Variants in DSCAM observed in about 807,000 individuals in gnomAD.
DSCAM encodes the protein cell adhesion molecule DSCAM.
DSCAM carries 47 observed loss-of-function variants against 217.7 expected under a neutral mutation model. The ratio of observed to expected loss-of-function variants is 0.22; its 90% confidence interval spans 0.17 to 0.28. The LOEUF is 0.28. Among genes scored for constraint, DSCAM ranks in the 10% least tolerant of loss-of-function variants. DSCAM has a pLI of 1.00. For synonymous variants in DSCAM, 1,056 were observed against 1,015.3 expected (o/e 1.04, Z -0.76); for missense variants, 2,080 against 2,618.3 (o/e 0.79, Z 4.49).
Position 40,419,658 on chromosome 21 carries a change from T to C in DSCAM, c.509-50413A>G, listed in dbSNP as rs535115647. 2.1e-3 allele frequency among the ~76,000 whole-genome samples: 317 copies of C among 152,308 alleles called. 1 individual carries two copies. The highest frequency in any genetic ancestry group is 7.3e-3 in the African/African-American group (302 of 41,558). The stretch of plus-strand genomic sequence containing the variant: ...GGAAAAATTACTCAGATACATCTTC[T>C]AGCCTATCAAAAGAACTCAAGAATG... On this transcript the variant is annotated intron_variant, in intron 3 of 32. Coordinates refer to ENST00000400454, the MANE Select transcript of DSCAM (RefSeq NM_001389.5).
intron 1 of DSCAM, among the ~76,000 whole-genome samples, chr21:40,833,771 A>G (rs1008307303): frequency 6.6e-6 from 1 of 152,318 alleles, no homozygotes; most frequent in East Asian, 1.9e-4. Flanking sequence ...TCTAAAATCC[A>G]TGGAAAAAAC....
At chr21:40,051,387 C>T (rs115985126) in intron 30 of DSCAM, among the ~76,000 whole-genome samples, 5,280 of 152,286 alleles carry the variant, frequency 0.035, 149 homozygotes, top group African/African-American at 0.074. Flanking sequence ...ATAATCTTCA[C>T]ATTAACTAGA....
chr21:40,315,367 G>A (rs1463074846), intron 8 of DSCAM, among the ~76,000 whole-genome samples: 1 of 151,394 alleles, frequency 6.6e-6, no homozygotes, highest in Non-Finnish European at 1.5e-5. Flanking sequence ...TCATGTCACT[G>A]CACTCCAGCA....
At chr21:40,313,436 T>C (rs994972485) in intron 8 of DSCAM, among the ~76,000 whole-genome samples, 9 of 152,226 alleles carry the variant, frequency 5.9e-5, no homozygotes, top group African/African-American at 1.9e-4. Context: ...GAGTGATGCC[T>C]GTTTTGTCCA....
chr21:40,488,519 T>A (rs2076048752), intron 3 of DSCAM, among the ~76,000 whole-genome samples: 1 of 152,150 alleles, frequency 6.6e-6, no homozygotes, highest in South Asian at 2.1e-4. Context: ...AGCTTTTTAT[T>A]CTTTTCTGTC....
At chr21:40,381,907 T>C (rs1461745537) in intron 3 of DSCAM, among the ~76,000 whole-genome samples, 1 of 152,256 alleles carries the variant, frequency 6.6e-6, no homozygotes, top group Non-Finnish European at 1.5e-5. Context: ...CTTGTTTCAG[T>C]ACACCTGTGC....
intron 3 of DSCAM, among the ~76,000 whole-genome samples, chr21:40,466,339 A>T (rs1297504164): frequency 6.6e-6 from 1 of 152,172 alleles, no homozygotes; most frequent in Non-Finnish European, 1.5e-5. Context: ...CTCTGAGGCC[A>T]TCAACAGTTC....
chr21:40,041,151 C>G (rs2088741556), intron 32 of DSCAM, among the ~76,000 whole-genome samples: 1 of 151,938 alleles, frequency 6.6e-6, no homozygotes. Context: ...CCCATAAAAC[C>G]CAAGGGAATT....
At chr21:40,542,903 A>C (rs903715396) in intron 3 of DSCAM, among the ~76,000 whole-genome samples, 1 of 152,110 alleles carries the variant, frequency 6.6e-6, no homozygotes, top group Admixed American at 6.5e-5. Context: ...AAACGACCCC[A>C]GGAAAGAGCT....
At chr21:40,420,503 G>A (rs1160043372) in intron 3 of DSCAM, among the ~76,000 whole-genome samples, 1 of 152,154 alleles carries the variant, frequency 6.6e-6, no homozygotes, top group Non-Finnish European at 1.5e-5. Context: ...CAAGCAGGAA[G>A]GTCAGGATTC....
chr21:40,400,671 C>A (rs1179290847), intron 3 of DSCAM, among the ~76,000 whole-genome samples: 1 of 152,214 alleles, frequency 6.6e-6, no homozygotes, highest in Non-Finnish European at 1.5e-5. Flanking sequence ...TCTGCCTTGG[C>A]CTCCCAAAGC....
rs144144913 is a variant in DSCAM at position 40,136,656 on chromosome 21, G to C, written c.3407-2647C>G. ...TGAGGGGAGGGGCTGATCAGGGCAG[G>C]GTGCTGGTAGCTGGTTATGAGACTC... On this transcript the variant is annotated intron_variant, in intron 18 of 32. Transcript: ENST00000400454. 1.5e-3 allele frequency among the ~76,000 whole-genome samples: 235 copies of C among 152,240 alleles called. 2 individuals are homozygous for C. Among genetic ancestry groups the C allele is most frequent in the South Asian group, 0.012 (60 of 4,816 alleles).
chr21:40,598,506 T>G (rs2077038799), intron 3 of DSCAM, among the ~76,000 whole-genome samples: 1 of 135,872 alleles, frequency 7.4e-6, no homozygotes, highest in Non-Finnish European at 1.6e-5. Flanking sequence ...TGTTTTTTTT[T>G]TTTTTTTTTT....
chr21:40,621,586 G>T (rs1211892325), intron 3 of DSCAM, among the ~76,000 whole-genome samples: 2 of 148,406 alleles, frequency 1.3e-5, no homozygotes, highest in Non-Finnish European at 3.0e-5. Flanking sequence ...GGGACCAGAT[G>T]GGATGGCACC....
At chr21:40,399,925 C>A (rs561660176) in intron 3 of DSCAM, among the ~76,000 whole-genome samples, 1 of 152,036 alleles carries the variant, frequency 6.6e-6, no homozygotes, top group African/African-American at 2.4e-5. Flanking sequence ...TTCTCCTGTC[C>A]CTGGATTTCC....
intron 3 of DSCAM, among the ~76,000 whole-genome samples, chr21:40,401,610 C>A (rs950633323): frequency 6.6e-5 from 10 of 152,158 alleles, no homozygotes; most frequent in African/African-American, 2.4e-4. Context: ...TCTTGGAGAC[C>A]ATCAAGCGTG....
chr21:40,190,552 C>G (rs138531940), intron 11 of DSCAM, among the ~76,000 whole-genome samples: 13 of 152,138 alleles, frequency 8.5e-5, no homozygotes, highest in Non-Finnish European at 1.5e-4. Context: ...GCTGCCTCAG[C>G]TTGTGTTATA....
intron 32 of DSCAM, among the ~76,000 whole-genome samples, chr21:40,039,170 TAAAGA>T (rs566028344): frequency 0.019 from 2,852 of 150,288 alleles, 74 homozygotes; most frequent in African/African-American, 0.046. Flanking sequence ...AGTATAATAA[TAAAGA>T]AAAGAAAAGA....
intron 8 of DSCAM, among the ~76,000 whole-genome samples, chr21:40,331,935 C>A (rs962252568): frequency 6.6e-6 from 1 of 152,080 alleles, no homozygotes; most frequent in African/African-American, 2.4e-5. Context: ...TTTAAATCCC[C>A]ATGGTCTGAA....
Sources: allele counts gnomAD v4.1 joint callset (sites outside exome capture counted in the v4.1 genomes callset), GRCh38; gene constraint gnomAD v4.1.1; transcripts MANE v1.5; gene names NCBI Gene and HGNC (gene_info 2026-07-23, HGNC 2026-07-21).